Variants in LINGO2 observed in about 807,000 individuals in gnomAD.
The protein encoded by LINGO2 is leucine rich repeat and Ig domain containing 2.
In LINGO2, 14 loss-of-function variants were observed where a neutral mutation model predicts 30.6. The ratio of observed to expected loss-of-function variants is 0.46; its 90% confidence interval spans 0.30 to 0.72. LINGO2 has a LOEUF of 0.72. Ranked by LOEUF, LINGO2 falls within the 30% of genes least tolerant of loss-of-function variation. The probability of loss-of-function intolerance (pLI) is 0.07; values close to 1 mark genes in which losing one functional copy is unlikely to be tolerated. For synonymous variants in LINGO2, 317 were observed against 288.5 expected (o/e 1.10, Z -1.00); for missense variants, 729 against 751.7 (o/e 0.97, Z 0.35).
chr9:29,161,679 C>T, the LINGO2 span, among the ~76,000 whole-genome samples: 1 of 152,158 alleles, frequency 6.6e-6, no homozygotes, highest in East Asian at 1.9e-4. Flanking sequence ...GATGCCTATA[C>T]TGCTGATCTA....
the LINGO2 span, among the ~76,000 whole-genome samples, chr9:28,791,705 A>G: frequency 5.9e-4 from 89 of 152,116 alleles, no homozygotes; most frequent in African/African-American, 2.0e-3. Context: ...GACTGCTTCA[A>G]TTTCTAAATG....
chr9:28,033,253 T>TG (rs1451149275), intron 4 of LINGO2, among the ~76,000 whole-genome samples: 2 of 152,208 alleles, frequency 1.3e-5, no homozygotes, highest in Admixed American at 1.3e-4. Context: ...TCCTATGGCT[T>TG]GTCTTCAGAA....
At chr9:28,779,898 GCTT>G in the LINGO2 span, among the ~76,000 whole-genome samples, 1 of 151,876 alleles carries the variant, frequency 6.6e-6, no homozygotes, top group Non-Finnish European at 1.5e-5. Context: ...CTCCCTCCCT[GCTT>G]CTTACTATCC....
At chr9:28,903,417 C>T in the LINGO2 span, among the ~76,000 whole-genome samples, 6 of 152,140 alleles carry the variant, frequency 3.9e-5, no homozygotes, top group Admixed American at 1.3e-4. Context: ...CAGGACATAA[C>T]AGCTTCACTG....
At chr9:28,508,362 A>G (rs1031712475) in intron 1 of LINGO2, among the ~76,000 whole-genome samples, 2 of 152,092 alleles carry the variant, frequency 1.3e-5, no homozygotes, top group Non-Finnish European at 2.9e-5. Context: ...TTTTACTCAG[A>G]TGACTTATAA....
the LINGO2 span, among the ~76,000 whole-genome samples, chr9:29,127,543 A>T: frequency 1.3e-5 from 2 of 152,174 alleles, no homozygotes. Context: ...GCTACTCTGC[A>T]GTGAAACTGA....
chr9:28,737,808 G>A, the LINGO2 span, among the ~76,000 whole-genome samples: 1 of 151,970 alleles, frequency 6.6e-6, no homozygotes, highest in Non-Finnish European at 1.5e-5. Context: ...AAGTAAGAGA[G>A]TTATAAAATA....
At chr9:29,072,348 T>C in the LINGO2 span, among the ~76,000 whole-genome samples, 11 of 151,858 alleles carry the variant, frequency 7.2e-5, no homozygotes, top group Non-Finnish European at 1.6e-4. Flanking sequence ...AATGGAAACA[T>C]AAGACCTTTT....
chr9:28,252,960 A>C (rs1822256847), intron 4 of LINGO2, among the ~76,000 whole-genome samples: 1 of 152,080 alleles, frequency 6.6e-6, no homozygotes, highest in Non-Finnish European at 1.5e-5. Context: ...AACAAAGAAA[A>C]CTAGCATTTG....
chr9:29,024,155 G>A, the LINGO2 span, among the ~76,000 whole-genome samples: 1 of 151,862 alleles, frequency 6.6e-6, no homozygotes, highest in Non-Finnish European at 1.5e-5. Context: ...GAATTTTCTG[G>A]CCAAAATATA....
At chr9:28,475,118 T>A (rs959138654) in intron 2 of LINGO2, among the ~76,000 whole-genome samples, 3 of 152,130 alleles carry the variant, frequency 2.0e-5, no homozygotes, top group Non-Finnish European at 4.4e-5. Flanking sequence ...TGAATTTATC[T>A]GTAAAAATAT....
chr9:28,104,134 C>A (rs1363253406), intron 4 of LINGO2, among the ~76,000 whole-genome samples: 1 of 151,928 alleles, frequency 6.6e-6, no homozygotes, highest in Admixed American at 6.6e-5. Flanking sequence ...GACTCCTTGT[C>A]CCCTACTCCT....
the LINGO2 span, among the ~76,000 whole-genome samples, chr9:29,162,752 T>C: frequency 6.6e-6 from 1 of 152,178 alleles, no homozygotes; most frequent in Non-Finnish European, 1.5e-5. Context: ...TAGAATTATG[T>C]TCAATTTTAA....
intron 4 of LINGO2, among the ~76,000 whole-genome samples, chr9:28,145,316 G>C (rs1257983538): frequency 3.3e-5 from 5 of 152,166 alleles, no homozygotes; most frequent in Non-Finnish European, 7.3e-5. Context: ...GGGATAATTT[G>C]TAGTCTAAAC....
At chr9:28,525,772 A>G (rs1383368298) in intron 1 of LINGO2, among the ~76,000 whole-genome samples, 4 of 152,068 alleles carry the variant, frequency 2.6e-5, no homozygotes, top group Non-Finnish European at 5.9e-5. Flanking sequence ...ACGCCATTGA[A>G]GGGCCGGGCG....
At chr9:27,970,358 T>C (rs1257771420) in intron 5 of LINGO2, among the ~76,000 whole-genome samples, 1 of 152,184 alleles carries the variant, frequency 6.6e-6, no homozygotes, top group Non-Finnish European at 1.5e-5. Context: ...CAGATATTGC[T>C]CTGAAACCAA....
At chr9:28,093,107 C>G (rs1460758253) in intron 4 of LINGO2, among the ~76,000 whole-genome samples, 2 of 152,022 alleles carry the variant, frequency 1.3e-5, no homozygotes, top group East Asian at 1.9e-4. Context: ...TATCTCTGTG[C>G]TAATTACCCT....
intron 3 of LINGO2, among the ~76,000 whole-genome samples, chr9:28,339,066 G>T (rs1825681617): frequency 6.6e-6 from 1 of 152,066 alleles, no homozygotes; most frequent in Non-Finnish European, 1.5e-5. Context: ...AAATACCTTT[G>T]CAGTCTCTTG....
intron 5 of LINGO2, among the ~76,000 whole-genome samples, chr9:27,967,658 T>C (rs572887541): frequency 6.6e-6 from 1 of 152,346 alleles, no homozygotes; most frequent in Admixed American, 6.5e-5. Flanking sequence ...TGTCTATCTA[T>C]CTATTTATAT....
Sources: gnomAD v4.1 joint callset for allele counts (sites outside exome capture counted in the v4.1 genomes callset) on GRCh38, gnomAD v4.1.1 for gene constraint, MANE v1.5 for transcripts, NCBI Gene and HGNC (gene_info 2026-07-23, HGNC 2026-07-21) for gene names.